ADGRL3: variants seen among roughly 807,000 people sequenced by gnomAD.
ADGRL3 encodes calcium-independent alpha-latrotoxin receptor 3.
In ADGRL3, 62 loss-of-function variants were observed where a neutral mutation model predicts 153.5. That is an observed-to-expected ratio of 0.40 (90% CI 0.33 to 0.50). The LOEUF (loss-of-function observed/expected upper bound fraction) is 0.50. Ranked by LOEUF, ADGRL3 falls within the 20% of genes least tolerant of loss-of-function variation. ADGRL3 has a pLI of 0.47. For missense variants in ADGRL3, 1,641 were observed against 1,859.4 expected, an observed-to-expected ratio of 0.88 and a Z score of 2.16; for synonymous variants, 710 against 672.5, an observed-to-expected ratio of 1.06 and a Z score of -0.86.
chr4:61,715,992 C>T (rs1246055459), intron 6 of ADGRL3, among the ~76,000 whole-genome samples: 2 of 147,740 alleles, frequency 1.4e-5, no homozygotes, highest in Admixed American at 1.3e-4. Context: ...ACAATACTGT[C>T]AGGAAAAGTA....
At chr4:61,483,783 T>C (rs2098158882) in intron 2 of ADGRL3, among the ~76,000 whole-genome samples, 1 of 151,550 alleles carries the variant, frequency 6.6e-6, no homozygotes, top group African/African-American at 2.4e-5. Flanking sequence ...CAATATTTAG[T>C]TTATAAATAC....
intron 1 of ADGRL3, among the ~76,000 whole-genome samples, chr4:61,258,993 T>C (rs2092269907): frequency 6.6e-6 from 1 of 152,204 alleles, no homozygotes; most frequent in Non-Finnish European, 1.5e-5. Context: ...TTTAAAGCAT[T>C]CCCAAATTTG....
chr4:61,402,414 A>G (rs1346273002), intron 2 of ADGRL3, among the ~76,000 whole-genome samples: 1 of 152,120 alleles, frequency 6.6e-6, no homozygotes, highest in Non-Finnish European at 1.5e-5. Context: ...TGTCATCTAC[A>G]TGGATTTGGT....
intron 4 of ADGRL3, among the ~76,000 whole-genome samples, chr4:61,535,767 C>T (rs1386687029): frequency 1.3e-5 from 2 of 151,844 alleles, no homozygotes; most frequent in African/African-American, 4.8e-5. Flanking sequence ...TTTTGTCTTT[C>T]TTTGGCATTG....
At chr4:61,892,128 A>G (rs1345606360) in intron 9 of ADGRL3, among the ~76,000 whole-genome samples, 3 of 151,606 alleles carry the variant, frequency 2.0e-5, no homozygotes, top group Non-Finnish European at 2.9e-5. Context: ...TAAGGAGACT[A>G]TATTCAGGAT....
At chr4:61,559,314 GT>G (rs1206163922) in intron 4 of ADGRL3, among the ~76,000 whole-genome samples, 1 of 152,040 alleles carries the variant, frequency 6.6e-6, no homozygotes, top group Non-Finnish European at 1.5e-5. Flanking sequence ...AAATAACTCA[GT>G]GGATATGAAT....
chr4:61,351,587 T>G (rs933198305), intron 1 of ADGRL3, among the ~76,000 whole-genome samples: 1 of 152,154 alleles, frequency 6.6e-6, no homozygotes, highest in African/African-American at 2.4e-5. Flanking sequence ...GTCTTTAAGT[T>G]AAGCCAGTGC....
At chr4:61,836,185 A>G (rs2097932075) in intron 9 of ADGRL3, among the ~76,000 whole-genome samples, 4 of 152,170 alleles carry the variant, frequency 2.6e-5, no homozygotes, top group Admixed American at 2.6e-4. Context: ...GTCCTTTCTT[A>G]TATTTCACAA....
chr4:61,650,418 T>C (rs1258258363), intron 5 of ADGRL3, among the ~76,000 whole-genome samples: 1 of 152,162 alleles, frequency 6.6e-6, no homozygotes, highest in Non-Finnish European at 1.5e-5. Flanking sequence ...TTTATCAGTT[T>C]CAATATGCAG....
intron 1 of ADGRL3, among the ~76,000 whole-genome samples, chr4:61,297,555 T>C (rs989080023): frequency 1.3e-5 from 2 of 152,182 alleles, no homozygotes; most frequent in Non-Finnish European, 2.9e-5. Context: ...TACTTATTTT[T>C]AACAAAACAT....
At chr4:61,792,380 A>G (rs560095715) in intron 8 of ADGRL3, among the ~76,000 whole-genome samples, 2 of 152,280 alleles carry the variant, frequency 1.3e-5, no homozygotes, top group South Asian at 4.1e-4. Context: ...ATCTGAGACC[A>G]CTTTAACCTG....
chr4:61,206,284 A>T (rs1193931971), intron 1 of ADGRL3, among the ~76,000 whole-genome samples: 1 of 152,232 alleles, frequency 6.6e-6, no homozygotes, highest in Non-Finnish European at 1.5e-5. Context: ...AATATTGTGG[A>T]TGGTAATCCT....
At chr4:61,681,390 CT>C (rs901523961) in intron 6 of ADGRL3, among the ~76,000 whole-genome samples, 3 of 151,794 alleles carry the variant, frequency 2.0e-5, no homozygotes, top group Non-Finnish European at 4.4e-5. Context: ...TTCTTTGTTT[CT>C]TTTTTTTCAG....
intron 4 of ADGRL3, among the ~76,000 whole-genome samples, chr4:61,525,239 C>T (rs1165900492): frequency 6.6e-6 from 1 of 151,982 alleles, no homozygotes; most frequent in African/African-American, 2.4e-5. Context: ...TTTTAATTAA[C>T]TCTTGAGAAA....
At chr4:61,206,818 C>T (rs991794239) in intron 1 of ADGRL3, among the ~76,000 whole-genome samples, 1 of 151,828 alleles carries the variant, frequency 6.6e-6, no homozygotes, top group African/African-American at 2.4e-5. Flanking sequence ...CCTGTCTCTA[C>T]TAAAAATACA....
rs566019885 is a variant in ADGRL3 at position 61,645,678 on chromosome 4, T to C, written c.474-31148T>C. Among the ~76,000 whole-genome samples the C allele has an allele frequency of 8.9e-4, 136 of 152,238 alleles. 2 individuals carry two copies. The highest frequency in any genetic ancestry group is 3.1e-3 in the African/African-American group (130 of 41,538). ...CCACTGTTAGTCTGATGGGCTTCCC[T>C]TTGAGGGTAACCCGACCTTTCTCTC... On this transcript the variant is annotated intron_variant, in intron 5 of 26. Transcript: ENST00000683033.
At chr4:61,690,544 A>G (rs1464713252) in intron 6 of ADGRL3, among the ~76,000 whole-genome samples, 2 of 152,152 alleles carry the variant, frequency 1.3e-5, no homozygotes, top group East Asian at 3.9e-4. Context: ...CAGTTTTCCT[A>G]TTATGGTTTT....
At chr4:61,778,266 A>C (rs2097175676) in intron 8 of ADGRL3, among the ~76,000 whole-genome samples, 1 of 152,232 alleles carries the variant, frequency 6.6e-6, no homozygotes, top group South Asian at 2.1e-4. Flanking sequence ...CAAACTCTGG[A>C]AAAATCTGAA....
At chr4:61,608,141 A>G (rs1162524808) in intron 5 of ADGRL3, among the ~76,000 whole-genome samples, 1 of 152,244 alleles carries the variant, frequency 6.6e-6, no homozygotes, top group Non-Finnish European at 1.5e-5. Flanking sequence ...TGTAAGGCCC[A>G]TTAAACTGGA....
Sources: allele counts gnomAD v4.1 joint callset (sites outside exome capture counted in the v4.1 genomes callset), GRCh38; gene constraint gnomAD v4.1.1; transcripts MANE v1.5; gene names NCBI Gene and HGNC (gene_info 2026-07-23, HGNC 2026-07-21).